Variants in ZFHX3 observed in about 807,000 individuals in gnomAD.
The protein encoded by ZFHX3 is zinc finger homeobox protein 3.
In ZFHX3, 42 loss-of-function variants were observed where a neutral mutation model predicts 279.1. The ratio of observed to expected loss-of-function variants is 0.15; its 90% CI spans 0.12 to 0.19. ZFHX3 has a LOEUF of 0.19. ZFHX3 is among the 10% of genes least tolerant of loss of function. ZFHX3 has a pLI of 1.00. For missense variants in ZFHX3, 4,981 were observed against 4,754.0 expected (o/e 1.05, Z -1.40); for synonymous variants, 2,293 against 1,957.8 (o/e 1.17, Z -4.52).
intron 4 of ZFHX3, among the ~76,000 whole-genome samples, chr16:72,863,340 T>TAAAAAA (rs66692129): frequency 3.1e-5 from 2 of 64,626 alleles, no homozygotes; most frequent in African/African-American, 7.4e-5. Context: ...TCATCTCTAC[T>TAAAAAA]AAAAAAAAAA....
chr16:73,134,429 C>G (rs369413302), intron 6 of ZFHX3: 13 of 139,546 alleles, frequency 9.3e-5, no homozygotes, highest in African/African-American at 3.5e-4. Flanking sequence ...GTCCTGGTCT[C>G]AAGTGATCCT....
rs1050173814 is a variant in ZFHX3 at position 72,797,391 on chromosome 16, G to A, written c.5291C>T (p.Ala1764Val). 13 of 1,608,270 alleles carry A rather than the reference G, an allele frequency of 8.1e-6. No individual in the cohort carries two copies. Among genetic ancestry groups the A allele is most frequent in the Non-Finnish European group, 1.1e-5 (13 of 1,177,524 alleles). Residue 1764 changes from alanine to valine, a missense_variant, in exon 9 of 10, where the codon GCT becomes GTT. By Grantham distance (64) the Ala-to-Val change is moderately conservative. Transcript: ENST00000268489. ...AAACAGCTGAGACTGGATCAGGGCA[G>A]CCTGTTGCTGCAGCTCCTGCTGCAG... ...AHLQQELQQQAALIQSQLFNP... is the reference protein window; with the variant it reads ...AHLQQELQQQVALIQSQLFNP...
intron 3 of ZFHX3, among the ~76,000 whole-genome samples, chr16:73,336,307 G>A (rs181565212): frequency 6.6e-4 from 101 of 152,148 alleles, no homozygotes; most frequent in African/African-American, 1.9e-3. Flanking sequence ...GCTGTGTCAC[G>A]GGGGTTTGGT....
intron 3 of ZFHX3, among the ~76,000 whole-genome samples, chr16:73,335,314 G>A (rs2015891585): frequency 6.6e-6 from 1 of 152,110 alleles, no homozygotes; most frequent in Admixed American, 6.6e-5. Flanking sequence ...TTACAATTCT[G>A]AATTAAACAA....
chr16:73,006,457 C>A (rs183992629), intron 1 of ZFHX3, among the ~76,000 whole-genome samples: 103 of 151,774 alleles, frequency 6.8e-4, no homozygotes, highest in East Asian at 1.2e-3. Flanking sequence ...ACCCCAATCT[C>A]TATGAAAAAA....
intron 1 of ZFHX3, among the ~76,000 whole-genome samples, chr16:73,821,111 G>T (rs1017617259): frequency 6.6e-6 from 1 of 152,160 alleles, no homozygotes; most frequent in African/African-American, 2.4e-5. Context: ...ACACTAAAGC[G>T]TTAATTTTAC....
intron 4 of ZFHX3, among the ~76,000 whole-genome samples, chr16:72,871,366 G>A (rs1008025567): frequency 4.2e-5 from 6 of 142,366 alleles, no homozygotes; most frequent in Non-Finnish European, 7.6e-5. Flanking sequence ...TTTTTGAGAC[G>A]GAGTCTCACT....
At chr16:72,962,977 G>A (rs941993738) in intron 1 of ZFHX3, among the ~76,000 whole-genome samples, 2 of 152,212 alleles carry the variant, frequency 1.3e-5, no homozygotes, top group East Asian at 3.9e-4. Context: ...CGCAACAGCC[G>A]GCTCTCTCTC....
chr16:73,605,167 C>T (rs998891181), intron 2 of ZFHX3, among the ~76,000 whole-genome samples: 1 of 152,058 alleles, frequency 6.6e-6, no homozygotes, highest in Non-Finnish European at 1.5e-5. Flanking sequence ...CGTGGTCATT[C>T]GAACACTTTC....
chr16:73,539,480 A>T (rs1297515623), intron 2 of ZFHX3, among the ~76,000 whole-genome samples: 1 of 88,750 alleles, frequency 1.1e-5, no homozygotes, highest in Non-Finnish European at 2.0e-5. Flanking sequence ...CTCTGGCCTT[A>T]TACCGCTGTT....
At chr16:73,394,759 T>C (rs115597721) in intron 3 of ZFHX3, among the ~76,000 whole-genome samples, 3,523 of 152,296 alleles carry the variant, frequency 0.023, 143 homozygotes, top group African/African-American at 0.079. Context: ...CCAAAGTAAA[T>C]TGAACTCTGT....
intron 1 of ZFHX3, among the ~76,000 whole-genome samples, chr16:73,761,266 T>C (rs1190062552): frequency 6.6e-6 from 1 of 152,032 alleles, no homozygotes; most frequent in Non-Finnish European, 1.5e-5. Flanking sequence ...TACATAGGAA[T>C]ACAGCTAACA....
At chr16:73,615,935 T>C (rs2052297121) in intron 2 of ZFHX3, among the ~76,000 whole-genome samples, 1 of 152,188 alleles carries the variant, frequency 6.6e-6, no homozygotes, top group Admixed American at 6.5e-5. Flanking sequence ...AAAAACGGAA[T>C]CTTCACGTGG....
rs376262076 is a variant in ZFHX3 at position 73,538,360 on chromosome 16, TA to T, written c.-1546-82103del. On this transcript the variant is annotated intron_variant, in intron 2 of 17. Transcript: ENST00000641206. ...AATATAATTAAAAGTTCATGAAAAA[TA>T]AAAAAAAGTCACCCTCTACTTGAGT... Among the ~76,000 whole-genome samples the T allele has an allele frequency of 2.1e-3, 311 of 151,652 alleles. 1 individual carries two copies. Among genetic ancestry groups the T allele is most frequent in the African/African-American group, 6.4e-3 (263 of 41,344 alleles).
intron 2 of ZFHX3, among the ~76,000 whole-genome samples, chr16:73,535,105 G>A (rs1450909196): frequency 6.6e-6 from 1 of 152,148 alleles, no homozygotes; most frequent in Admixed American, 6.5e-5. Flanking sequence ...TTCTCCCACT[G>A]TGGTTGATTT....
At chr16:73,184,561 G>A (rs949161729) in intron 5 of ZFHX3, among the ~76,000 whole-genome samples, 6 of 152,240 alleles carry the variant, frequency 3.9e-5, no homozygotes, top group African/African-American at 7.2e-5. Flanking sequence ...GTGAGCCTGT[G>A]GGGCAGGTGG....
intron 1 of ZFHX3, among the ~76,000 whole-genome samples, chr16:73,745,212 G>A (rs2053693272): frequency 6.6e-6 from 1 of 152,052 alleles, no homozygotes; most frequent in Non-Finnish European, 1.5e-5. Context: ...TTCCTTCACT[G>A]TCTTGAAAAA....
intron 3 of ZFHX3, among the ~76,000 whole-genome samples, chr16:72,912,103 T>G (rs1476664537): frequency 6.6e-6 from 1 of 152,192 alleles, no homozygotes; most frequent in Non-Finnish European, 1.5e-5. Context: ...AGCAAACATG[T>G]GCCATTGCTG....
intron 4 of ZFHX3, among the ~76,000 whole-genome samples, chr16:73,286,845 G>A (rs1278301943): frequency 5.6e-5 from 7 of 125,624 alleles, no homozygotes; most frequent in South Asian, 2.7e-4. Flanking sequence ...CTGGTGAGTC[G>A]GTGTGTGGGT....
Sources: gnomAD v4.1 joint callset for allele counts (sites outside exome capture counted in the v4.1 genomes callset) on GRCh38, gnomAD v4.1.1 for gene constraint, MANE v1.5 for transcripts, NCBI Gene and HGNC (gene_info 2026-07-23, HGNC 2026-07-21) for gene names.